SOHLH2: variants seen among roughly 807,000 people sequenced by gnomAD.
The protein encoded by SOHLH2 is spermatogenesis and oogenesis specific basic helix-loop-helix 2, also known as spermatogenesis- and oogenesis-specific basic helix-loop-helix-containing protein 2.
In SOHLH2, 22 loss-of-function variants were observed where a neutral mutation model predicts 50.4. The observed-to-expected ratio is 0.44, with a 90% CI of 0.31 to 0.62. SOHLH2 has a LOEUF of 0.62. Among genes scored for constraint, SOHLH2 ranks in the 20% least tolerant of loss-of-function variants. The probability of loss-of-function intolerance (pLI) is 0.08; values close to 1 mark genes in which losing one functional copy is unlikely to be tolerated. For missense variants in SOHLH2, 412 were observed against 504.4 expected, an observed-to-expected ratio of 0.82 and a Z score of 1.76; for synonymous variants, 185 against 187.3, an observed-to-expected ratio of 0.99 and a Z score of 0.10.
In SOHLH2 at chr13:36,174,491, G is replaced by A; in HGVS notation, c.866C>T (p.Thr289Ile). ...QTPIELSLPG[T>I]VMAQRENSVM... ...CTTATCATACCGCTGTGCCATGACAGTGCCTGGGAGAGACAGCTCAATGGG... is the reference window on the plus strand; with the variant it reads ...CTTATCATACCGCTGTGCCATGACAATGCCTGGGAGAGACAGCTCAATGGG... The change falls in exon 8 of 11, where the codon ACT (threonine) becomes ATT (isoleucine). Residue 289 changes from threonine (T) to isoleucine (I), a missense_variant. Transcript: ENST00000379881. 1 of 1,614,132 alleles carries A rather than the reference G, an allele frequency of 6.2e-7. No individual in the cohort carries two copies. Among genetic ancestry groups the A allele is most frequent in the East Asian group, 2.2e-5 (1 of 44,880 alleles).
chr13:36,190,255 T>C (rs531251836), intron 5 of SOHLH2, among the ~76,000 whole-genome samples, 199 bp from the exon 6 acceptor site: 12 of 152,198 alleles, frequency 7.9e-5, no homozygotes, highest in Non-Finnish European at 1.0e-4. Context: ...GAATATATTA[T>C]CAAAATCATC....
chr13:36,205,275 A>C (rs1868684464), intron 1 of SOHLH2, among the ~76,000 whole-genome samples: 1 of 152,154 alleles, frequency 6.6e-6, no homozygotes, highest in African/African-American at 2.4e-5. Context: ...ACTTTAAAGC[A>C]TTGGCTAGAA....
At chr13:36,203,889 A>G (rs1868582332) in intron 1 of SOHLH2, among the ~76,000 whole-genome samples, 1 of 150,606 alleles carries the variant, frequency 6.6e-6, no homozygotes, top group Non-Finnish European at 1.5e-5. Context: ...GAGTTTATAC[A>G]GTCTGGATAT....
Position 36,174,507 on chromosome 13 carries a change from G to A in SOHLH2, c.850C>T (p.Leu284=). 6.2e-7 allele frequency: 1 copy of A among 1,614,176 alleles called. No homozygotes were observed. The highest frequency in any genetic ancestry group is 8.5e-7 in the Non-Finnish European group (1 of 1,180,042). ...FCKKQQTPIE[L]SLPGTVMAQR... ...GCCATGACAGTGCCTGGGAGAGACA[G>A]CTCAATGGGTGTTTGTTGTTTCTTA... The change falls in exon 8 of 11, where the codon CTG becomes TTG. Residue 284 remains leucine, a synonymous_variant. Coordinates refer to ENST00000379881, the MANE Select transcript of SOHLH2 (RefSeq NM_017826.3).
chr13:36,170,700 T>G lies in SOHLH2; in HGVS notation c.1088A>C (p.His363Pro). The G allele has an allele frequency of 6.2e-7, 1 of 1,614,180 alleles. No homozygotes were observed. The part of the protein sequence containing the change: ...SSAALSLNSL[H>P]TVRYYSKVTP... ...GACTTTAGAATAATATCTGACAGTA[T>G]GCAAGGAATTCAGAGACAGCGCTGC... Residue 363 changes from histidine (H) to proline (P), a missense_variant, in exon 10 of 11, where the codon CAT becomes CCT. By Grantham distance (77) the His-to-Pro change is moderately conservative. Transcript: ENST00000379881.
chr13:36,174,729 A>C lies in SOHLH2; in HGVS notation c.782T>G (p.Met261Arg). Residue 261 changes from methionine to arginine, a missense_variant, in exon 7 of 11, where the codon ATG (methionine) becomes AGG (arginine). Physicochemically the swap from Met to Arg is moderately conservative, Grantham distance 91. Coordinates refer to ENST00000379881, the MANE Select transcript of SOHLH2 (RefSeq NM_017826.3). ...GCTTTGGGAGTCAAATACCTGGGCC[A>C]TAACGGCTGGAGAGATTTTCTCCCG... The part of the protein sequence containing the change: ...YIREKISPAV[M>R]AQITEALQSN... 6.2e-7 allele frequency: 1 copy of C among 1,604,326 alleles called. No homozygotes were observed. Among genetic ancestry groups the C allele is most frequent in the South Asian group, 1.1e-5 (1 of 88,554 alleles).
At chr13:36,196,113 T>C (rs919716589) in intron 2 of SOHLH2, among the ~76,000 whole-genome samples, 2 of 150,040 alleles carry the variant, frequency 1.3e-5, no homozygotes, top group Non-Finnish European at 3.0e-5. Flanking sequence ...GATAGATAGA[T>C]AGATAGATAG....
In SOHLH2 at chr13:36,201,880, T is replaced by C; in HGVS notation, c.262A>G (p.Arg88Gly). The change falls in exon 2 of 11, where the codon AGA (arginine) becomes GGA (glycine). Residue 88 changes from arginine to glycine, a missense_variant and splice_region_variant. Arg to Gly is a moderately radical substitution (Grantham distance 125, BLOSUM62 -2). Coordinates refer to ENST00000379881, the MANE Select transcript of SOHLH2 (RefSeq NM_017826.3). The stretch of plus-strand genomic sequence containing the variant: ...AGCATCAAGGCTTTTGAAGTTTACC[T>C]AATTAACTTGATGGCTTCCAGCTCC... ...AEELEAIKLIRFGKKKNTHSL... is the reference protein window; with the variant it reads ...AEELEAIKLIGFGKKKNTHSL... 6.2e-7 allele frequency: 1 copy of C among 1,614,224 alleles called. No individual in the cohort carries two copies. The highest frequency in any genetic ancestry group is 2.2e-5 in the East Asian group (1 of 44,886).
In SOHLH2 at chr13:36,191,847, G is replaced by T; in HGVS notation, c.478C>A (p.Gln160Lys). Residue 160 changes from glutamine (Q) to lysine (K), a missense_variant, in exon 5 of 11, where the codon CAG becomes AAG. Gln to Lys is a moderately conservative substitution (Grantham distance 53). Coordinates refer to ENST00000379881, the MANE Select transcript of SOHLH2 (RefSeq NM_017826.3). ...TGPEELGLPL[Q>K]RSYSEHLGYF... ...CCCAGGTGTTCGCTGTAGGACCTCT[G>T]CAGGGGCAATCCAAGTTCTTCAGGC... The T allele has an allele frequency of 1.9e-6, 3 of 1,614,018 alleles. No individual in the cohort carries two copies. Among genetic ancestry groups the T allele is most frequent in the Non-Finnish European group, 2.5e-6 (3 of 1,179,918 alleles).
At chr13:36,188,190 T>C (rs1887476648) in intron 6 of SOHLH2, among the ~76,000 whole-genome samples, 1 of 152,118 alleles carries the variant, frequency 6.6e-6, no homozygotes. Context: ...TATGAGTACC[T>C]CAGTTAATGT....
chr13:36,178,928 A>T (rs2067865494), intron 6 of SOHLH2, among the ~76,000 whole-genome samples: 1 of 151,816 alleles, frequency 6.6e-6, no homozygotes, highest in South Asian at 2.1e-4. Context: ...CTGTTAATAT[A>T]TAAAATACCA....
chr13:36,198,255 A>C (rs894208096), intron 2 of SOHLH2, among the ~76,000 whole-genome samples: 3 of 152,224 alleles, frequency 2.0e-5, no homozygotes, highest in Non-Finnish European at 4.4e-5. Flanking sequence ...GAACCATTTC[A>C]TTGAGAAGAA....
At chr13:36,185,333 G>C (rs1051914651) in intron 6 of SOHLH2, among the ~76,000 whole-genome samples, 20 of 151,986 alleles carry the variant, frequency 1.3e-4, no homozygotes, top group Admixed American at 3.3e-4. Context: ...CAGGTGTGGT[G>C]GTGGACACCT....
intron 1 of SOHLH2, among the ~76,000 whole-genome samples, chr13:36,213,362 G>A (rs1302700660): frequency 1.3e-5 from 2 of 152,042 alleles, no homozygotes; most frequent in African/African-American, 2.4e-5. Context: ...CCTGTTAAAC[G>A]GGTCCACTTC....
intron 4 of SOHLH2, among the ~76,000 whole-genome samples, chr13:36,193,006 CAAT>C (rs1034260443): frequency 6.6e-6 from 1 of 152,054 alleles, no homozygotes; most frequent in Non-Finnish European, 1.5e-5. Context: ...AGTCACTGAC[CAAT>C]AATGATTCCA....
chr13:36,170,500 C>T (rs1239854169), intron 10 of SOHLH2, 31 bp downstream of exon 10: 1 of 1,604,702 alleles, frequency 6.2e-7, no homozygotes, highest in Admixed American at 1.7e-5. Flanking sequence ...TGAAAGGGTC[C>T]AATCTGATCC....
At chr13:36,195,632 G>A (rs1593952081) in intron 2 of SOHLH2, among the ~76,000 whole-genome samples, 1 of 152,210 alleles carries the variant, frequency 6.6e-6, no homozygotes, top group East Asian at 1.9e-4. Flanking sequence ...GACACAGGTG[G>A]ACTGGAAAGA....
chr13:36,195,203 C>A (rs1268078970), intron 2 of SOHLH2, among the ~76,000 whole-genome samples: 1 of 152,192 alleles, frequency 6.6e-6, no homozygotes, highest in Non-Finnish European at 1.5e-5. Context: ...TGGGCACCAA[C>A]CTGCCTCAGC....
At chr13:36,192,783 G>A (rs1317763465) in intron 4 of SOHLH2, among the ~76,000 whole-genome samples, 1 of 152,082 alleles carries the variant, frequency 6.6e-6, no homozygotes, top group Non-Finnish European at 1.5e-5. Context: ...TTCTGGTGAT[G>A]AGAACACGTA....
Sources: gnomAD v4.1 joint callset for allele counts (sites outside exome capture counted in the v4.1 genomes callset) on GRCh38, gnomAD v4.1.1 for gene constraint, MANE v1.5 for transcripts, NCBI Gene and HGNC (gene_info 2026-07-23, HGNC 2026-07-21) for gene names.